ZNF70: variants seen among roughly 807,000 people sequenced by gnomAD.
ZNF70 encodes zinc finger protein N27C7-1.
In ZNF70, 18 loss-of-function variants were observed where a neutral mutation model predicts 37.7. That is an observed-to-expected ratio of 0.48 (90% confidence interval 0.33 to 0.71). The LOEUF is 0.71. Among genes scored for constraint, ZNF70 ranks in the 30% least tolerant of loss-of-function variants. The probability of loss-of-function intolerance (pLI) is 0.02; values close to 1 mark genes in which losing one functional copy is unlikely to be tolerated. For synonymous variants in ZNF70, 219 were observed against 220.1 expected (o/e 0.99, Z 0.05); for missense variants, 506 against 568.6 (o/e 0.89, Z 1.12).
intron 1 of ZNF70, 36 bp from the exon 2 acceptor site, chr22:23,745,255 A>T: frequency 8.5e-7 from 1 of 1,171,556 alleles, no homozygotes; most frequent in Non-Finnish European, 1.2e-6. Flanking sequence ...CAAGTCAGCA[A>T]GTCAAGCAGC....
intron 1 of ZNF70, among the ~76,000 whole-genome samples, chr22:23,747,257 G>A (rs1045088964): frequency 3.9e-5 from 6 of 152,132 alleles, no homozygotes; most frequent in Non-Finnish European, 5.9e-5. Context: ...GGAGGTGAGC[G>A]GAAGGTGAGC....
chr22:23,740,317 GAA>G lies in ZNF70; in HGVS notation c.*3481_*3482del, dbSNP rs1924837157. 1 of 137,000 alleles carries G rather than the reference GAA, an allele frequency of 7.3e-6. No individual in the cohort carries two copies. Among genetic ancestry groups the G allele is most frequent in the Non-Finnish European group, 1.6e-5 (1 of 62,098 alleles). 8.5% of individuals were successfully genotyped at this position (137,000 alleles called of 1,614,324 possible). A position where few individuals can be genotyped will look rare whatever the true frequency, so the allele number is the denominator to read the frequency against. On this transcript the variant is annotated 3_prime_UTR_variant, in exon 2 of 2. Coordinates refer to ENST00000341976, the MANE Select transcript of ZNF70 (RefSeq NM_021916.4). ...AAAGCAAGACTCCATCTCAAAAAAA[GAA>G]AAAAGAAAAAAGAAAAAAAAAGGTA...
At chr22:23,750,234 G>A (rs1316930672) in intron 1 of ZNF70, among the ~76,000 whole-genome samples, 1 of 152,062 alleles carries the variant, frequency 6.6e-6, no homozygotes, top group Non-Finnish European at 1.5e-5. Context: ...CTTCATTTCA[G>A]AGGTTGCAAA....
In ZNF70 at chr22:23,744,567, C is replaced by T. The variant is rs141104976; in HGVS notation, c.574G>A (p.Gly192Arg). The change falls in exon 2 of 2, where the codon GGG becomes AGG. Residue 192 changes from glycine to arginine, a missense_variant. Gly to Arg is a moderately radical substitution (Grantham distance 125, BLOSUM62 -2). Transcript: ENST00000341976. The stretch of plus-strand genomic sequence containing the variant: ...TCCCGGCACTCGTAGGGCTTCTCCC[C>T]GGTGTGGATGATCTGGTGCCTGAGC... ...HLLRHQIIHTGEKPYECRECG... is the reference protein window; with the variant it reads ...HLLRHQIIHTREKPYECRECG... 374 of 1,613,542 alleles carry T rather than the reference C, an allele frequency of 2.3e-4. No individual in the cohort carries two copies. Among genetic ancestry groups the T allele is most frequent in the Non-Finnish European group, 2.9e-4 (340 of 1,179,820 alleles).
rs1925082396 is a variant in ZNF70, at chr22:23,745,245, C to T, written c.-79-26G>A. ...CTGAAAAGAAAACAGGGAACTCTGTCAAGTCAGCAAGTCAAGCAGCTCATA... is the reference window on the plus strand; with the variant it reads ...CTGAAAAGAAAACAGGGAACTCTGTTAAGTCAGCAAGTCAAGCAGCTCATA... On this transcript the variant is annotated intron_variant, in intron 1 of 1. Coordinates refer to ENST00000341976, the MANE Select transcript of ZNF70 (RefSeq NM_021916.4). The T allele has an allele frequency of 3.2e-6, 4 of 1,256,478 alleles. No homozygotes were observed. The Admixed American group carries it at 9.2e-5, about 29-fold the overall frequency. 77.8% of individuals were successfully genotyped at this position (1,256,478 alleles called of 1,614,324 possible). A position where few individuals can be genotyped will look rare whatever the true frequency, so the allele number is the denominator to read the frequency against.
In ZNF70 at chr22:23,744,074, C is replaced by G; in HGVS notation, c.1067G>C (p.Arg356Pro). Reference sequence around the variant, plus strand: ...GTAGGGCTTCTCACCGGTGTGGATGCGCTGGTGCTCAATGAGGGAGGAGCT... The same window carrying G: ...GTAGGGCTTCTCACCGGTGTGGATGGGCTGGTGCTCAATGAGGGAGGAGCT... The part of the protein sequence containing the change: ...SQSSSLIEHQ[R>P]IHTGEKPYEC... Residue 356 changes from arginine to proline, a missense_variant, in exon 2 of 2, where the codon CGC (arginine) becomes CCC (proline). Transcript: ENST00000341976. 6.2e-7 allele frequency: 1 copy of G among 1,611,984 alleles called. No homozygotes were observed. The highest frequency in any genetic ancestry group is 8.5e-7 in the Non-Finnish European group (1 of 1,179,294).
intron 1 of ZNF70, among the ~76,000 whole-genome samples, chr22:23,747,675 C>A (rs980863521): frequency 6.6e-6 from 1 of 151,824 alleles, no homozygotes; most frequent in African/African-American, 2.4e-5. Context: ...ACTAGAAATA[C>A]AAAAAAATTA....
chr22:23,744,653 G>T lies in ZNF70; in HGVS notation c.488C>A (p.Thr163Asn), dbSNP rs1297572295. ...SHLLRHLVIH[T>N]GEKPYECCEC... ...ACAGCACTCATAGGGCTTCTCCCCA[G>T]TGTGGATCACCAGGTGTCGGAGCAG... The change falls in exon 2 of 2, where the codon ACT becomes AAT. Residue 163 changes from threonine (T) to asparagine (N), a missense_variant. By Grantham distance (65) the Thr-to-Asn change is moderately conservative. Coordinates refer to ENST00000341976, the MANE Select transcript of ZNF70 (RefSeq NM_021916.4). 1.2e-6 allele frequency: 2 copies of T among 1,614,002 alleles called. No homozygotes were observed. The highest frequency in any genetic ancestry group is 2.7e-5 in the African/African-American group (2 of 74,918).
chr22:23,745,220 C>A lies in ZNF70; in HGVS notation c.-79-1G>T. 6.8e-7 allele frequency: 1 copy of A among 1,479,866 alleles called. No homozygotes were observed. Among genetic ancestry groups the A allele is most frequent in the South Asian group, 1.4e-5 (1 of 73,932 alleles). 91.7% of individuals were successfully genotyped at this position (1,479,866 alleles called of 1,614,324 possible). On this transcript the variant is annotated splice_acceptor_variant, in intron 1 of 1. Transcript: ENST00000341976. LOFTEE classifies it low-confidence loss of function (5UTR_SPLICE). The stretch of plus-strand genomic sequence containing the variant: ...GGGCCACACTTACTGTTCTCACAAT[C>A]TGAAAAGAAAACAGGGAACTCTGTC...
chr22:23,744,985 A>C lies in ZNF70; in HGVS notation c.156T>G (p.Pro52=), dbSNP rs769485299. ...CATTTTCTTCGTCCTGCTCACCAAG[A>C]GGGATCTCCTTGTAGATCACAGCCA... ...EQMAVIYKEI[P]LGEQDEENDD... Residue 52 remains proline (P), a synonymous_variant, in exon 2 of 2, where the codon CCT becomes CCG. Transcript: ENST00000341976. 1 of 1,614,130 alleles carries C rather than the reference A, an allele frequency of 6.2e-7. No individual in the cohort carries two copies. Among genetic ancestry groups the C allele is most frequent in the Non-Finnish European group, 8.5e-7 (1 of 1,180,028 alleles).
chr22:23,745,002 T>C lies in ZNF70; in HGVS notation c.139A>G (p.Ile47Val), dbSNP rs1296395196. The change falls in exon 2 of 2, where the codon ATC becomes GTC. Residue 47 changes from isoleucine to valine, a missense_variant. By Grantham distance (29) the Ile-to-Val change is conservative. Transcript: ENST00000341976. Reference sequence around the variant, plus strand: ...TCACCAAGAGGGATCTCCTTGTAGATCACAGCCATTTGCTCCAAACCTCTT... The same window carrying C: ...TCACCAAGAGGGATCTCCTTGTAGACCACAGCCATTTGCTCCAAACCTCTT... Reference protein sequence around the residue: ...QERGLEQMAVIYKEIPLGEQD... With the variant: ...QERGLEQMAVVYKEIPLGEQD... The C allele has an allele frequency of 1.6e-5, 26 of 1,614,176 alleles. No homozygotes were observed. Among genetic ancestry groups the C allele is most frequent in the Non-Finnish European group, 2.1e-5 (25 of 1,180,028 alleles).
intron 1 of ZNF70, among the ~76,000 whole-genome samples, chr22:23,749,123 G>A (rs1231967767): frequency 6.6e-6 from 1 of 151,626 alleles, no homozygotes; most frequent in East Asian, 2.0e-4. Flanking sequence ...AGCACTTTGG[G>A]AGGCCGAGGT....
chr22:23,748,954 T>C (rs1245575387), intron 1 of ZNF70, among the ~76,000 whole-genome samples: 2 of 151,966 alleles, frequency 1.3e-5, no homozygotes, highest in Non-Finnish European at 2.9e-5. Flanking sequence ...TGCAGTAGTG[T>C]GATTACAGCT....
intron 1 of ZNF70, among the ~76,000 whole-genome samples, chr22:23,747,414 G>A (rs946303239): frequency 2.0e-5 from 3 of 152,148 alleles, no homozygotes; most frequent in Non-Finnish European, 4.4e-5. Context: ...ATCTGAGGTG[G>A]AACAGTTTCA....
At chr22:23,750,404 C>G (rs976976637) in intron 1 of ZNF70, among the ~76,000 whole-genome samples, 2 of 152,150 alleles carry the variant, frequency 1.3e-5, no homozygotes, top group African/African-American at 4.8e-5. Flanking sequence ...CCCACATTGC[C>G]TACCTAGGTG....
In ZNF70 at chr22:23,743,778, A is replaced by G; in HGVS notation, c.*22T>C. 1.3e-6 allele frequency: 2 copies of G among 1,599,540 alleles called. No individual in the cohort carries two copies. The highest frequency in any genetic ancestry group is 1.1e-5 in the South Asian group (1 of 89,306). On this transcript the variant is annotated 3_prime_UTR_variant, in exon 2 of 2. Transcript: ENST00000341976. ...AGGCTCCATCTGGCACAGGCTTTCA[A>G]GCTTTGTGTGGGCTCCTCTTTCTAT...
At position 23,739,618 on chromosome 22, in the gene ZNF70, A is replaced by T. The variant is rs2145890550; in HGVS notation, c.*4182T>A. The stretch of plus-strand genomic sequence containing the variant: ...GTTTTTGTTGTTGTTGTTTTCCCCG[A>T]GATGGAGTCTTGCCCTGTCACCCAG... On this transcript the variant is annotated 3_prime_UTR_variant, in exon 2 of 2. Coordinates refer to ENST00000341976, the MANE Select transcript of ZNF70 (RefSeq NM_021916.4). 1 of 150,540 alleles carries T rather than the reference A, an allele frequency of 6.6e-6. No individual in the cohort carries two copies. Among genetic ancestry groups the T allele is most frequent in the South Asian group, 2.1e-4 (1 of 4,744 alleles). 9.3% of individuals were successfully genotyped at this position (150,540 alleles called of 1,614,324 possible).
Position 23,744,174 on chromosome 22 carries a change from G to C in ZNF70, c.967C>G (p.Leu323Val), listed in dbSNP as rs779618912. Residue 323 changes from leucine (L) to valine (V), a missense_variant, in exon 2 of 2, where the codon CTC (leucine) becomes GTC (valine). Leu to Val is a conservative substitution (Grantham distance 32, BLOSUM62 1). Coordinates refer to ENST00000341976, the MANE Select transcript of ZNF70 (RefSeq NM_021916.4). ...CGKAFSQSSN[L>V]IEHRKTHTGE... ...GTGTGGGTCTTGCGGTGCTCAATGA[G>C]GTTGGAGCTCTGGCTGAAGGCCTTC... The C allele has an allele frequency of 6.2e-7, 1 of 1,614,142 alleles. No homozygotes were observed. The highest frequency in any genetic ancestry group is 2.2e-5 in the East Asian group (1 of 44,878).
chr22:23,749,963 C>T (rs552554392), intron 1 of ZNF70, among the ~76,000 whole-genome samples: 45 of 152,328 alleles, frequency 3.0e-4, no homozygotes, highest in African/African-American at 9.9e-4. Context: ...CACGCTCTAG[C>T]ACCATGCTCC....
Sources: allele counts gnomAD v4.1 joint callset (sites outside exome capture counted in the v4.1 genomes callset), GRCh38; gene constraint gnomAD v4.1.1; transcripts MANE v1.5; gene names NCBI Gene and HGNC (gene_info 2026-07-23, HGNC 2026-07-21).